Variants in PCDHGB7 observed in about 807,000 individuals in gnomAD.
The protein encoded by PCDHGB7 is protocadherin gamma subfamily B, 7.
In PCDHGB7, 37 loss-of-function variants were observed where a neutral mutation model predicts 61.4. The observed-to-expected ratio is 0.60, with a 90% CI of 0.46 to 0.79. The LOEUF is 0.79. Ranked by LOEUF, PCDHGB7 falls within the 30% of genes least tolerant of loss-of-function variation. PCDHGB7 has a pLI of 0.00. For missense variants in PCDHGB7, 1,166 were observed against 1,202.5 expected (o/e 0.97, Z 0.45); for synonymous variants, 464 against 503.5 (o/e 0.92, Z 1.05).
At chr5:141,500,026 T>G (rs1297397353) in intron 2 of PCDHGB7, among the ~76,000 whole-genome samples, 1 of 151,974 alleles carries the variant, frequency 6.6e-6, no homozygotes, top group Non-Finnish European at 1.5e-5. Flanking sequence ...TATATTTGAG[T>G]GAGTGTCTCT....
chr5:141,501,501 T>C (rs2099809553), intron 2 of PCDHGB7, among the ~76,000 whole-genome samples: 1 of 151,938 alleles, frequency 6.6e-6, no homozygotes, highest in Non-Finnish European at 1.5e-5. Context: ...CTGCTGGGGC[T>C]CCAAGGCCTC....
Position 141,422,497 on chromosome 5 carries a change from A to G in PCDHGB7, c.2415+2223A>G, listed in dbSNP as rs1257927470. 1.9e-6 allele frequency: 3 copies of G among 1,613,874 alleles called. No homozygotes were observed. In the African/African-American group the frequency reaches 4.0e-5, roughly 22 times the overall value. On this transcript the variant is annotated intron_variant, in intron 1 of 3. Transcript: ENST00000398594. Reference sequence around the variant, plus strand: ...GGTCCAGAGCTACAATATAACGTTGACAGCCACAGACCAGGGAAGCCCGCC... The same window carrying G: ...GGTCCAGAGCTACAATATAACGTTGGCAGCCACAGACCAGGGAAGCCCGCC...
At position 141,487,329 on chromosome 5, in the gene PCDHGB7, C is replaced by T; in HGVS notation, c.2416-7478C>T. On this transcript the variant is annotated intron_variant, in intron 1 of 3. Coordinates refer to ENST00000398594, the MANE Select transcript of PCDHGB7 (RefSeq NM_018927.4). This position sits in a 1 kb window ranked among gnomAD's most constrained non-coding sequence, Gnocchi z 5.0. Reference sequence around the variant, plus strand: ...CTACTCTCTAAGTGTCTTCGTGGGGCAGCCTGTGGAGTCACATGCTTTCCT... The same window carrying T: ...CTACTCTCTAAGTGTCTTCGTGGGGTAGCCTGTGGAGTCACATGCTTTCCT... 1 of 1,614,170 alleles carries T rather than the reference C, an allele frequency of 6.2e-7. No homozygotes were observed. The highest frequency in any genetic ancestry group is 1.1e-5 in the South Asian group (1 of 91,070).
chr5:141,461,258 A>G lies in PCDHGB7; in HGVS notation c.2416-33549A>G, dbSNP rs2099011921. Among the ~76,000 whole-genome samples, 4 of 152,104 alleles carry G rather than the reference A, an allele frequency of 2.6e-5. No individual in the cohort carries two copies. In the South Asian group the frequency reaches 8.3e-4, roughly 31 times the overall value. The stretch of plus-strand genomic sequence containing the variant: ...GTACTAATTTATATTCCCAGCAGCA[A>G]TGTGTAAGTGTTCTCTTTTCCCCAC... On this transcript the variant is annotated intron_variant, in intron 1 of 3. Transcript: ENST00000398594.
At position 141,491,692 on chromosome 5, in the gene PCDHGB7, C is replaced by T. The variant is rs749349869; in HGVS notation, c.2416-3115C>T. On this transcript the variant is annotated intron_variant, in intron 1 of 3. Coordinates refer to ENST00000398594, the MANE Select transcript of PCDHGB7 (RefSeq NM_018927.4). This position sits in a 1 kb window ranked among gnomAD's most constrained non-coding sequence, Gnocchi z 6.9. ...GTCCCGCTCTAATACGCTGCGGGAG[C>T]GGAGCCAGGTGAGGGGCTCGGCGCC... is the stretch of plus-strand genomic sequence containing the variant. 1 of 1,612,594 alleles carries T rather than the reference C, an allele frequency of 6.2e-7. No homozygotes were observed. The highest frequency in any genetic ancestry group is 8.5e-7 in the Non-Finnish European group (1 of 1,179,340).
Position 141,491,456 on chromosome 5 carries a change from C to A in PCDHGB7, c.2416-3351C>A. ...TGCAGGCGCCAGGACTCACCCTCCC[C>A]GGACTTCTATAAGCAGTCCAGCCCC... On this transcript the variant is annotated intron_variant, in intron 1 of 3. Coordinates refer to ENST00000398594, the MANE Select transcript of PCDHGB7 (RefSeq NM_018927.4). The surrounding 1 kb of genome is among the most constrained non-coding windows in gnomAD (Gnocchi z 6.9). 1.2e-6 allele frequency: 2 copies of A among 1,614,104 alleles called. No homozygotes were observed.
chr5:141,477,656 C>A lies in PCDHGB7; in HGVS notation c.2416-17151C>A. ...AGTGGGTCGCTATTTCACAATAAAT[C>A]GTGACAATGGCATAGTGTCATCCTT... On this transcript the variant is annotated intron_variant, in intron 1 of 3. Transcript: ENST00000398594. The surrounding 1 kb of genome is among the most constrained non-coding windows in gnomAD (Gnocchi z 4.9). 1 of 1,614,184 alleles carries A rather than the reference C, an allele frequency of 6.2e-7. No homozygotes were observed.
At chr5:141,425,173 T>A (rs182492696) in intron 1 of PCDHGB7, among the ~76,000 whole-genome samples, 5 of 152,284 alleles carry the variant, frequency 3.3e-5, no homozygotes, top group Admixed American at 3.3e-4. Context: ...GGATTTATAC[T>A]TGTGGAATTC....
rs888556794 is a variant in PCDHGB7 at position 141,493,414 on chromosome 5, A to T, written c.2416-1393A>T. Among the ~76,000 whole-genome samples, 2 of 152,058 alleles carry T rather than the reference A, an allele frequency of 1.3e-5. No individual in the cohort carries two copies. Among genetic ancestry groups the T allele is most frequent in the Admixed American group, 6.6e-5 (1 of 15,248 alleles). ...GGAGAGGGGAGTTGCCTCTGCTGGG[A>T]TTTTGCTTCTGCTGGGATGGGGCAA... On this transcript the variant is annotated intron_variant, in intron 1 of 3. Coordinates refer to ENST00000398594, the MANE Select transcript of PCDHGB7 (RefSeq NM_018927.4). The surrounding 1 kb of genome is among the most constrained non-coding windows in gnomAD (Gnocchi z 4.3).
At position 141,485,833 on chromosome 5, in the gene PCDHGB7, G is replaced by A. The variant is rs780944737; in HGVS notation, c.2416-8974G>A. 64 of 1,613,904 alleles carry A rather than the reference G, an allele frequency of 4.0e-5. No homozygotes were observed. Among genetic ancestry groups the A allele is most frequent in the Non-Finnish European group, 2.5e-6 (3 of 1,180,004 alleles). On this transcript the variant is annotated intron_variant, in intron 1 of 3. Coordinates refer to ENST00000398594, the MANE Select transcript of PCDHGB7 (RefSeq NM_018927.4). This position sits in a 1 kb window ranked among gnomAD's most constrained non-coding sequence, Gnocchi z 5.7. Reference sequence around the variant, plus strand: ...TGACTGCTGTCGATGGAGGGAACCCGCCGAGATCTGGCACCGCAGAGCTCC... The same window carrying A: ...TGACTGCTGTCGATGGAGGGAACCCACCGAGATCTGGCACCGCAGAGCTCC...
Position 141,511,429 on chromosome 5 carries a change from G to A in PCDHGB7, c.*256G>A, listed in dbSNP as rs1414641314. 1.3e-6 allele frequency: 1 copy of A among 769,620 alleles called. No individual in the cohort carries two copies. The highest frequency in any genetic ancestry group is 2.0e-6 in the Non-Finnish European group (1 of 505,154). The allele number at this position is 769,620 out of a possible 1,614,324, so 47.7% of individuals were successfully genotyped here. On this transcript the variant is annotated 3_prime_UTR_variant, in exon 4 of 4. Transcript: ENST00000398594. The stretch of plus-strand genomic sequence containing the variant: ...CTGCTGTACCCATGGGGGTAGTGGG[G>A]TTACTGTAGACACCAAGAACCATTT...
In PCDHGB7 at chr5:141,486,697, C is replaced by T. The variant is rs146956400; in HGVS notation, c.2416-8110C>T. 89 of 1,614,058 alleles carry T rather than the reference C, an allele frequency of 5.5e-5. No homozygotes were observed. Among genetic ancestry groups the T allele is most frequent in the Non-Finnish European group, 7.4e-5 (87 of 1,180,040 alleles). ...GAGATGTATCAGCTTCCTCTTTCAT[C>T]TCTCTGAACCCCCAGACAGGAGCTG... On this transcript the variant is annotated intron_variant, in intron 1 of 3. Coordinates refer to ENST00000398594, the MANE Select transcript of PCDHGB7 (RefSeq NM_018927.4). The surrounding 1 kb of genome is among the most constrained non-coding windows in gnomAD (Gnocchi z 5.0).
At chr5:141,470,132 A>G (rs1411735203) in intron 1 of PCDHGB7, among the ~76,000 whole-genome samples, 1 of 151,586 alleles carries the variant, frequency 6.6e-6, no homozygotes, top group East Asian at 1.9e-4. Context: ...TCGTCTCAAA[A>G]AAAAAGATCA....
At chr5:141,440,155 A>C (rs1250255277) in intron 1 of PCDHGB7, 1 of 152,238 alleles carries the variant, frequency 6.6e-6, no homozygotes, top group Non-Finnish European at 1.5e-5. Flanking sequence ...CCCCAATTAT[A>C]GCTTGGGCCA....
Position 141,491,307 on chromosome 5 carries a change from C to CCTTA in PCDHGB7, c.2416-3498_2416-3495dup. On this transcript the variant is annotated intron_variant, in intron 1 of 3. Transcript: ENST00000398594. The surrounding 1 kb of genome is among the most constrained non-coding windows in gnomAD (Gnocchi z 6.9). ...TCATACACCCTCCTGAGCGTTCAGA[C>CCTTA]CTTACCCTTTACCTCATTGTGGCTC... 1 of 1,614,152 alleles carries CCTTA rather than the reference C, an allele frequency of 6.2e-7. No individual in the cohort carries two copies. Among genetic ancestry groups the CCTTA allele is most frequent in the Non-Finnish European group, 8.5e-7 (1 of 1,179,986 alleles).
intron 1 of PCDHGB7, among the ~76,000 whole-genome samples, chr5:141,474,250 A>G (rs2099346141): frequency 6.6e-6 from 1 of 152,236 alleles, no homozygotes; most frequent in East Asian, 1.9e-4. Flanking sequence ...GGGGAAAAAA[A>G]GACTGATAAA....
intron 1 of PCDHGB7, chr5:141,428,289 G>A: frequency 1.4e-6 from 1 of 728,400 alleles, no homozygotes; most frequent in Non-Finnish European, 2.4e-6. Context: ...CCCAAGCAAA[G>A]CTGCAGATTT....
In PCDHGB7 at chr5:141,500,452, G is replaced by A. The variant is rs554196222; in HGVS notation, c.2475-4941G>A. 2.6e-3 allele frequency among the ~76,000 whole-genome samples: 398 copies of A among 151,620 alleles called. 2 individuals carry two copies. The highest frequency in any genetic ancestry group is 0.021 in the South Asian group (99 of 4,798). On this transcript the variant is annotated intron_variant, in intron 2 of 3. Transcript: ENST00000398594. ...TCTCGATCTCCTGACCTCGTGATCC[G>A]CCCGCCTCGGCCTCCCAAAGTGCTG... is the stretch of plus-strand genomic sequence containing the variant.
In PCDHGB7 at chr5:141,418,521, C is replaced by G. The variant is rs1246716171; in HGVS notation, c.662C>G (p.Pro221Arg). The G allele has an allele frequency of 3.7e-6, 6 of 1,613,840 alleles. No individual in the cohort carries two copies. The Admixed American group carries it at 1.0e-4, about 27-fold the overall frequency. Residue 221 changes from proline (P) to arginine (R), a missense_variant, in exon 1 of 4, where the codon CCC becomes CGC. Coordinates refer to ENST00000398594, the MANE Select transcript of PCDHGB7 (RefSeq NM_018927.4). ...ACCGCCTTAGATGGTGGGGACCCTC[C>G]CCGAAGCGGTACTGCTCAGATAAGA... ...VLTALDGGDP[P>R]RSGTAQIRIL... is the part of the protein sequence containing the mutation.
Sources: allele counts gnomAD v4.1 joint callset (sites outside exome capture counted in the v4.1 genomes callset), GRCh38; gene constraint gnomAD v4.1.1; non-coding constraint Gnocchi (gnomAD v3.1); transcripts MANE v1.5; gene names NCBI Gene and HGNC (gene_info 2026-07-23, HGNC 2026-07-21).